Variants in AGBL1 observed in about 807,000 individuals in gnomAD.
AGBL1 encodes AGBL carboxypeptidase 1.
In AGBL1, 130 loss-of-function variants were observed where a neutral mutation model predicts 118.9. That is an observed-to-expected ratio of 1.09 (90% confidence interval 0.95 to 1.26). AGBL1 has a LOEUF of 1.26. Among genes scored for constraint, AGBL1 ranks in the 50% most tolerant of loss-of-function variants. The probability of loss-of-function intolerance (pLI) is 0.00; values close to 1 mark genes in which losing one functional copy is unlikely to be tolerated. For synonymous variants in AGBL1, 555 were observed against 478.9 expected, an observed-to-expected ratio of 1.16 and a Z score of -2.08; for missense variants, 1,584 against 1,298.1, an observed-to-expected ratio of 1.22 and a Z score of -3.38.
intron 21 of AGBL1, among the ~76,000 whole-genome samples, chr15:86,596,502 A>T (rs6496348): frequency 1 from 152,321 of 152,322 alleles, 76,160 homozygotes; most frequent in Middle Eastern, 1. Context: ...CCCACACCTA[A>T]GCGATCTTCT....
At chr15:86,403,702 A>G (rs1055391486) in intron 18 of AGBL1, among the ~76,000 whole-genome samples, 2 of 152,196 alleles carry the variant, frequency 1.3e-5, no homozygotes, top group Non-Finnish European at 2.9e-5. Context: ...CTAGATAAGA[A>G]AAGTTGAGCA....
rs571039343 is a variant in AGBL1 at position 86,217,172 on chromosome 15, A to G, written c.489-7742A>G. Among the ~76,000 whole-genome samples, 7 of 152,262 alleles carry G rather than the reference A, an allele frequency of 4.6e-5. No individual in the cohort carries two copies. The East Asian group carries it at 1.4e-3, about 29-fold the overall frequency. On this transcript the variant is annotated intron_variant, in intron 5 of 22. Transcript: ENST00000614907. ...CTAATTTAGTGGGCTTTTCAAAAAT[A>G]CTTTTGTCTATTGGCTATTTCTTTC... is the stretch of plus-strand genomic sequence containing the variant.
intron 1 of AGBL1, among the ~76,000 whole-genome samples, chr15:86,110,072 G>A (rs1409184560): frequency 1.3e-5 from 2 of 152,190 alleles, no homozygotes; most frequent in African/African-American, 4.8e-5. Flanking sequence ...CACATGACTG[G>A]GACCCCGTCA....
intron 9 of AGBL1, among the ~76,000 whole-genome samples, chr15:86,258,465 A>C (rs995783527): frequency 1.3e-5 from 2 of 152,140 alleles, no homozygotes; most frequent in African/African-American, 4.8e-5. Flanking sequence ...AGACTCTGTG[A>C]ATTGTTTTCC....
intron 17 of AGBL1, among the ~76,000 whole-genome samples, chr15:86,300,641 T>C (rs904122211): frequency 1.3e-5 from 2 of 152,126 alleles, no homozygotes; most frequent in Non-Finnish European, 2.9e-5. Context: ...AAGCATAACC[T>C]TTCTATGTTT....
At chr15:86,270,181 G>C (rs2079136604) in intron 14 of AGBL1, 114 bp downstream of exon 14, 2 of 1,393,736 alleles carry the variant, frequency 1.4e-6, no homozygotes, top group South Asian at 1.5e-5. Flanking sequence ...GTTGGGCAGA[G>C]TTTTGGGTTG....
chr15:86,479,136 A>G lies in AGBL1; in HGVS notation c.2556-43674A>G, dbSNP rs183127146. ...CCTAAAACCATAAAAACCCTAGAAG[A>G]AAACCTAGGCAATACCATTCAGGAC... On this transcript the variant is annotated intron_variant, in intron 18 of 22. Transcript: ENST00000614907. 6.6e-3 allele frequency among the ~76,000 whole-genome samples: 1,004 copies of G among 152,342 alleles called. 12 individuals carry two copies. The highest frequency in any genetic ancestry group is 0.023 in the African/African-American group (938 of 41,578).
chr15:86,980,305 T>C (rs1476587672), intron 23 of AGBL1, among the ~76,000 whole-genome samples: 2 of 152,330 alleles, frequency 1.3e-5, no homozygotes, highest in African/African-American at 4.8e-5. Context: ...TTTTGTGTGT[T>C]ATTGTGATTT....
intron 18 of AGBL1, among the ~76,000 whole-genome samples, chr15:86,398,618 A>G (rs1242118515): frequency 1.3e-5 from 2 of 152,162 alleles, no homozygotes; most frequent in Non-Finnish European, 2.9e-5. Flanking sequence ...TAAAAGCACA[A>G]AAACTTCAAA....
At chr15:86,554,259 A>G in intron 20 of AGBL1, 102 bp from the exon 21 acceptor site, 2 of 1,015,792 alleles carry the variant, frequency 2.0e-6, no homozygotes, top group Admixed American at 3.3e-5. Flanking sequence ...AGTAACGAGT[A>G]TTTTATATAT....
chr15:86,504,520 A>G (rs1596198605), intron 18 of AGBL1, among the ~76,000 whole-genome samples: 1 of 151,512 alleles, frequency 6.6e-6, no homozygotes, highest in Non-Finnish European at 1.5e-5. Context: ...TTTTGAGTTA[A>G]TAAATATTCA....
intron 18 of AGBL1, among the ~76,000 whole-genome samples, chr15:86,477,192 A>G (rs1385307814): frequency 2.0e-5 from 3 of 152,100 alleles, no homozygotes; most frequent in Non-Finnish European, 1.5e-5. Context: ...AAGAGCAAAC[A>G]CATTCAAAAG....
intron 17 of AGBL1, among the ~76,000 whole-genome samples, chr15:86,373,788 G>C (rs2081000713): frequency 6.6e-6 from 1 of 152,186 alleles, no homozygotes; most frequent in Admixed American, 6.5e-5. Context: ...CTATTTACAA[G>C]GAGTTTCTCC....
intron 22 of AGBL1, among the ~76,000 whole-genome samples, chr15:86,740,744 C>G (rs890162734): frequency 6.6e-6 from 1 of 152,078 alleles, no homozygotes; most frequent in Non-Finnish European, 1.5e-5. Flanking sequence ...TATTCAGGAT[C>G]TTTTTACTGG....
rs2166091 is a variant in AGBL1 at position 86,169,429 on chromosome 15, A to G, written c.488+10403A>G. 7.1e-3 allele frequency among the ~76,000 whole-genome samples: 1,081 copies of G among 152,320 alleles called. 14 individuals carry two copies. Among genetic ancestry groups the G allele is most frequent in the African/African-American group, 0.025 (1,032 of 41,566 alleles). ...ACTGGAAAACCTCATGACTCATGGG[A>G]CATTGGATAAAGTACACAGGATTTT... On this transcript the variant is annotated intron_variant, in intron 5 of 22. Transcript: ENST00000614907.
chr15:86,647,674 C>G (rs1303126157), intron 21 of AGBL1, among the ~76,000 whole-genome samples: 1 of 152,116 alleles, frequency 6.6e-6, no homozygotes, highest in Non-Finnish European at 1.5e-5. Context: ...GCACTCCAGC[C>G]TGGGTGACAG....
chr15:87,005,252 G>A (rs2081486274), intron 24 of AGBL1, among the ~76,000 whole-genome samples: 1 of 152,126 alleles, frequency 6.6e-6, no homozygotes, highest in African/African-American at 2.4e-5. Flanking sequence ...GCTAGATTGG[G>A]GAAGTTCTCC....
chr15:86,417,762 G>A (rs966113846), intron 18 of AGBL1, among the ~76,000 whole-genome samples: 1 of 152,120 alleles, frequency 6.6e-6, no homozygotes, highest in Non-Finnish European at 1.5e-5. Context: ...ATGAGAGACT[G>A]GCATGTTCAG....
intron 18 of AGBL1, among the ~76,000 whole-genome samples, chr15:86,433,949 T>C (rs2081970720): frequency 6.6e-6 from 1 of 152,220 alleles, no homozygotes; most frequent in East Asian, 1.9e-4. Flanking sequence ...ACCCAGTTTA[T>C]AAAATGTTCC....
Sources: gnomAD v4.1 joint callset for allele counts (sites outside exome capture counted in the v4.1 genomes callset) on GRCh38, gnomAD v4.1.1 for gene constraint, MANE v1.5 for transcripts, NCBI Gene and HGNC (gene_info 2026-07-23, HGNC 2026-07-21) for gene names.